Variants in ADGRL4 observed in about 807,000 individuals in gnomAD.
ADGRL4 encodes the protein EGF, latrophilin and seven transmembrane domain containing 1.
A neutral mutation model predicts 74.8 loss-of-function variants in ADGRL4; 90 were observed. The ratio of observed to expected loss-of-function variants is 1.20; its 90% CI spans 1.02 to 1.43. The LOEUF is 1.43. Ranked by LOEUF, ADGRL4 falls within the 40% of genes most tolerant of loss-of-function variation. The pLI, the probability that ADGRL4 is intolerant of heterozygous loss-of-function variation, is 0.00. For synonymous variants in ADGRL4, 311 were observed against 279.2 expected, an observed-to-expected ratio of 1.11 and a Z score of -1.14; for missense variants, 881 against 814.3, an observed-to-expected ratio of 1.08 and a Z score of -1.00.
chr1:78,942,920 C>T (rs898283170), intron 3 of ADGRL4, among the ~76,000 whole-genome samples: 1 of 151,964 alleles, frequency 6.6e-6, no homozygotes, highest in South Asian at 2.1e-4. Flanking sequence ...ACAGAGACCT[C>T]AGCTCAAAAA....
At chr1:78,975,328 A>C (rs763919700) in intron 2 of ADGRL4, among the ~76,000 whole-genome samples, 6 of 152,122 alleles carry the variant, frequency 3.9e-5, no homozygotes, top group Non-Finnish European at 5.9e-5. Context: ...ATTAGAATAT[A>C]GGAACAATGA....
chr1:78,921,666 G>T lies in ADGRL4; in HGVS notation c.1204C>A (p.Arg402Ser), dbSNP rs371210164. Reference protein sequence around the residue: ...TYSNETHTSCRCNHLTHFAIL... With the variant: ...TYSNETHTSCSCNHLTHFAIL... ...GCAAAATGTGTCAGGTGATTACAGC[G>T]GCATGAGGTGTGGGTCTCATTTGAG... Residue 402 changes from arginine (R) to serine (S), a missense_variant, in exon 9 of 15, where the codon CGC becomes AGC. Transcript: ENST00000370742. 176 of 1,597,888 alleles carry T rather than the reference G, an allele frequency of 1.1e-4. No individual in the cohort carries two copies. Among genetic ancestry groups the T allele is most frequent in the Non-Finnish European group, 1.4e-4 (163 of 1,172,226 alleles).
rs143678328 is a variant in ADGRL4, at chr1:78,956,821, A to G, written c.173-10395T>C. 1.5e-3 allele frequency among the ~76,000 whole-genome samples: 235 copies of G among 152,308 alleles called. 2 individuals carry two copies. Among genetic ancestry groups the G allele is most frequent in the African/African-American group, 5.4e-3 (223 of 41,586 alleles). ...GGAAGCATTGTGTCCTTCAGAAAAC[A>G]GAAATGAGTACAGGCATACCTTGTC... On this transcript the variant is annotated intron_variant, in intron 2 of 14. Transcript: ENST00000370742.
At chr1:78,939,671 A>C (rs1238614930) in intron 3 of ADGRL4, 2 of 152,994 alleles carry the variant, frequency 1.3e-5, no homozygotes, top group Non-Finnish European at 2.9e-5. Context: ...CGCCATCATT[A>C]TGTGTGAACT....
At chr1:78,943,076 A>T (rs980625491) in intron 3 of ADGRL4, among the ~76,000 whole-genome samples, 2 of 152,176 alleles carry the variant, frequency 1.3e-5, no homozygotes, top group African/African-American at 4.8e-5. Flanking sequence ...TCAATAATAC[A>T]GTTTTCTAAT....
At chr1:78,976,926 A>G (rs1461056036) in intron 2 of ADGRL4, among the ~76,000 whole-genome samples, 2 of 151,810 alleles carry the variant, frequency 1.3e-5, no homozygotes, top group Admixed American at 6.6e-5. Context: ...ATTTTATCCT[A>G]TGAAGCCATC....
At chr1:78,930,739 G>A (rs111273921) in intron 7 of ADGRL4, among the ~76,000 whole-genome samples, 4,592 of 151,332 alleles carry the variant, frequency 0.03, 133 homozygotes, top group South Asian at 0.053. Context: ...GCGAGCCACC[G>A]TGCTTGGTCT....
At chr1:78,975,964 C>T (rs2100721647) in intron 2 of ADGRL4, among the ~76,000 whole-genome samples, 1 of 151,886 alleles carries the variant, frequency 6.6e-6, no homozygotes, top group East Asian at 1.9e-4. Flanking sequence ...GGACAACAGT[C>T]ATCAAAAAAC....
intron 1 of ADGRL4, 30 bp from the exon 2 acceptor site, chr1:79,005,249 A>C (rs1462262723): frequency 6.5e-7 from 1 of 1,535,368 alleles, no homozygotes; most frequent in Non-Finnish European, 8.8e-7. Context: ...ACACCTTTTC[A>C]AAAAGTAAAA....
chr1:78,951,242 T>C (rs1380832243), intron 2 of ADGRL4, among the ~76,000 whole-genome samples: 1 of 152,190 alleles, frequency 6.6e-6, no homozygotes, highest in East Asian at 1.9e-4. Flanking sequence ...CTGTTTTTTG[T>C]TGTCCTTTGT....
intron 7 of ADGRL4, among the ~76,000 whole-genome samples, chr1:78,931,626 A>T (rs1166889134): frequency 6.6e-6 from 1 of 151,396 alleles, no homozygotes; most frequent in Non-Finnish European, 1.5e-5. Context: ...ATTTAAAGGC[A>T]CAGACTGGCA....
At chr1:78,995,556 G>C (rs1650696699) in intron 2 of ADGRL4, among the ~76,000 whole-genome samples, 1 of 152,302 alleles carries the variant, frequency 6.6e-6, no homozygotes, top group East Asian at 1.9e-4. Flanking sequence ...ACACAACTGT[G>C]TAATAAAGTG....
Position 78,921,770 on chromosome 1 carries a change from C to T in ADGRL4, c.1100G>A (p.Arg367Lys), listed in dbSNP as rs375515170. Residue 367 changes from arginine (R) to lysine (K), a missense_variant, in exon 9 of 15, where the codon AGG becomes AAG. Transcript: ENST00000370742. ...LSHRKVTDRY[R>K]SLCAFWNYSP... ...GTAATTCCAAAATGCACATAGACTCCTATACCTATCTGTGACCTGAAAAAA... is the reference window on the plus strand; with the variant it reads ...GTAATTCCAAAATGCACATAGACTCTTATACCTATCTGTGACCTGAAAAAA... 16 of 1,514,632 alleles carry T rather than the reference C, an allele frequency of 1.1e-5. No individual in the cohort carries two copies. The African/African-American group carries it at 1.9e-4, about 18-fold the overall frequency. The allele number at this position is 1,514,632 out of a possible 1,614,324, so 93.8% of individuals were successfully genotyped here.
At chr1:79,001,687 G>A (rs992992488) in intron 2 of ADGRL4, among the ~76,000 whole-genome samples, 3 of 152,158 alleles carry the variant, frequency 2.0e-5, no homozygotes, top group East Asian at 3.9e-4. Context: ...ATAAAAATAA[G>A]CTGACAGACC....
intron 2 of ADGRL4, among the ~76,000 whole-genome samples, chr1:78,970,274 G>A (rs1341043984): frequency 6.6e-6 from 1 of 152,170 alleles, no homozygotes; most frequent in East Asian, 1.9e-4. Context: ...TCCAGATGAA[G>A]ATGACAACAG....
chr1:78,932,515 T>A (rs1358061471), intron 7 of ADGRL4, among the ~76,000 whole-genome samples: 1 of 145,622 alleles, frequency 6.9e-6, no homozygotes. Context: ...TTAAAAGAGC[T>A]AGAGAAGCAA....
chr1:78,891,344 A>C (rs1648268672), intron 14 of ADGRL4, 128 bp from the exon 15 acceptor site: 1 of 1,243,402 alleles, frequency 8.0e-7, no homozygotes, highest in African/African-American at 1.5e-5. Flanking sequence ...TGTCCATTTA[A>C]GTTATATTTA....
intron 2 of ADGRL4, among the ~76,000 whole-genome samples, chr1:78,987,438 A>G (rs1468100172): frequency 6.6e-6 from 1 of 151,792 alleles, no homozygotes; most frequent in African/African-American, 2.4e-5. Flanking sequence ...TTGGATGTAC[A>G]GTGTAAATAA....
chr1:78,989,545 G>A (rs1429012844), intron 2 of ADGRL4, among the ~76,000 whole-genome samples: 1 of 151,804 alleles, frequency 6.6e-6, no homozygotes, highest in Non-Finnish European at 1.5e-5. Context: ...AAAGAATGGG[G>A]AGTAATATGT....
Sources: gnomAD v4.1 joint callset for allele counts (sites outside exome capture counted in the v4.1 genomes callset) on GRCh38, gnomAD v4.1.1 for gene constraint, MANE v1.5 for transcripts, NCBI Gene and HGNC (gene_info 2026-07-23, HGNC 2026-07-21) for gene names.